The following KCNIP3 variants were observed in gnomAD, a reference collection of about 807,000 sequenced individuals.
KCNIP3 encodes the protein potassium voltage-gated channel interacting protein 3, also known as calsenilin.
In KCNIP3, 28 loss-of-function variants were observed where a neutral mutation model predicts 35.0. The ratio of observed to expected loss-of-function variants is 0.80; its 90% CI spans 0.59 to 1.10. The LOEUF is 1.10. Ranked by LOEUF, KCNIP3 falls within the 50% of genes least tolerant of loss-of-function variation. The pLI is 0.00. For synonymous variants in KCNIP3, 134 were observed against 133.8 expected (o/e 1.00, Z -0.01); for missense variants, 295 against 338.4 (o/e 0.87, Z 1.01).
Position 95,361,803 on chromosome 2 carries a change from C to T in KCNIP3, c.182-12493C>T, listed in dbSNP as rs143544463. Reference sequence around the variant, plus strand: ...ACAGGCACTGTTCCAGGGCTGGGTACGGCAGCGAGGAGACCCGAATCCCTG... The same window carrying T: ...ACAGGCACTGTTCCAGGGCTGGGTATGGCAGCGAGGAGACCCGAATCCCTG... On this transcript the variant is annotated intron_variant, in intron 2 of 8. Transcript: ENST00000295225. 6.3e-3 allele frequency among the ~76,000 whole-genome samples: 955 copies of T among 152,322 alleles called. 10 individuals carry two copies. The highest frequency in any genetic ancestry group is 0.022 in the African/African-American group (898 of 41,584).
intron 2 of KCNIP3, among the ~76,000 whole-genome samples, chr2:95,363,897 C>T (rs1257743568): frequency 6.6e-6 from 1 of 152,196 alleles, no homozygotes; most frequent in African/African-American, 2.4e-5. Context: ...AATCTTATAT[C>T]TGGCAACCTT....
chr2:95,353,693 G>A (rs557423161), intron 2 of KCNIP3, among the ~76,000 whole-genome samples: 2 of 152,288 alleles, frequency 1.3e-5, no homozygotes, highest in South Asian at 4.1e-4. Flanking sequence ...AGAAGTGGGT[G>A]CAGGCGGGCG....
At chr2:95,342,288 G>A (rs1316760027) in intron 2 of KCNIP3, among the ~76,000 whole-genome samples, 3 of 152,200 alleles carry the variant, frequency 2.0e-5, no homozygotes, top group Non-Finnish European at 4.4e-5. Flanking sequence ...CTTAAGCAAA[G>A]CATTAACCAC....
chr2:95,340,408 T>G (rs376874862), intron 2 of KCNIP3, among the ~76,000 whole-genome samples: 69 of 152,228 alleles, frequency 4.5e-4, no homozygotes, highest in African/African-American at 1.5e-3. Context: ...CATAGCTTCC[T>G]TTGGCAACAA....
chr2:95,310,876 TTTCTAAGCC>T (rs1324557055), intron 2 of KCNIP3: 2 of 328,692 alleles, frequency 6.1e-6, no homozygotes, highest in Non-Finnish European at 1.2e-5. Flanking sequence ...TCATTGATCC[TTTCTAAGCC>T]TTCCGTGAGA....
intron 2 of KCNIP3, among the ~76,000 whole-genome samples, chr2:95,356,785 C>T (rs1487505317): frequency 1.5e-4 from 23 of 152,156 alleles, no homozygotes; most frequent in Admixed American, 5.9e-4. Context: ...GGTAGCATGA[C>T]GCCTAGGAGG....
At chr2:95,338,575 A>T (rs1355142266) in intron 2 of KCNIP3, among the ~76,000 whole-genome samples, 1 of 152,198 alleles carries the variant, frequency 6.6e-6, no homozygotes, top group Admixed American at 6.5e-5. Context: ...ACTATATCAC[A>T]TGGCCATCTA....
chr2:95,304,630 C>CT (rs1678125795), intron 1 of KCNIP3, among the ~76,000 whole-genome samples: 1 of 152,194 alleles, frequency 6.6e-6, no homozygotes, highest in East Asian at 1.9e-4. Context: ...TGCATGAGAA[C>CT]GGGTGAGCTA....
At chr2:95,323,023 C>A (rs962858504) in intron 2 of KCNIP3, among the ~76,000 whole-genome samples, 1 of 152,214 alleles carries the variant, frequency 6.6e-6, no homozygotes, top group African/African-American at 2.4e-5. Context: ...GTGGTCCTGG[C>A]CCCCGCTCTG....
Position 95,307,278 on chromosome 2 carries a change from A to G in KCNIP3, c.16-3077A>G, listed in dbSNP as rs56841558. 1.9e-3 allele frequency among the ~76,000 whole-genome samples: 283 copies of G among 152,168 alleles called. 2 individuals are homozygous for G. Among genetic ancestry groups the G allele is most frequent in the African/African-American group, 6.6e-3 (276 of 41,508 alleles). On this transcript the variant is annotated intron_variant, in intron 1 of 8. Coordinates refer to ENST00000295225, the MANE Select transcript of KCNIP3 (RefSeq NM_013434.5). ...AGGGCATCACAGCACTCCTCAACGG[A>G]TATTTTTGGAAGGCTGCTGATGTGC...
chr2:95,376,361 G>A lies in KCNIP3; in HGVS notation c.447+1153G>A, dbSNP rs1435674201. Among the ~76,000 whole-genome samples the A allele has an allele frequency of 6.6e-6, 1 of 152,216 alleles. No homozygotes were observed. Among genetic ancestry groups the A allele is most frequent in the Non-Finnish European group, 1.5e-5 (1 of 68,036 alleles). ...AGTGGTTTTTCTTGTTCAGGAATGA[G>A]ATGACTGAGAGGCTCGGCAGAGCCC... On this transcript the variant is annotated intron_variant, in intron 5 of 8. Transcript: ENST00000295225. The surrounding 1 kb of genome is among the most constrained non-coding windows in gnomAD (Gnocchi z 4.2).
At chr2:95,362,441 G>A (rs1365168847) in intron 2 of KCNIP3, among the ~76,000 whole-genome samples, 1 of 152,040 alleles carries the variant, frequency 6.6e-6, no homozygotes, top group Non-Finnish European at 1.5e-5. Context: ...CAATCTTATG[G>A]GATAAGGGCC....
At chr2:95,367,256 G>C (rs1679939201) in intron 2 of KCNIP3, among the ~76,000 whole-genome samples, 1 of 151,962 alleles carries the variant, frequency 6.6e-6, no homozygotes, top group Non-Finnish European at 1.5e-5. Context: ...CTGGGCGACG[G>C]AGCCAAACTC....
At position 95,356,517 on chromosome 2, in the gene KCNIP3, A is replaced by G. The variant is rs554090680; in HGVS notation, c.182-17779A>G. ...TAAGTCTTTAATCCATCTTGAATTA[A>G]TTTTTGTATAAGGTGTCAGGAGGGG... On this transcript the variant is annotated intron_variant, in intron 2 of 8. Transcript: ENST00000295225. Among the ~76,000 whole-genome samples the G allele has an allele frequency of 1.7e-4, 26 of 152,262 alleles. 1 individual carries two copies. In the South Asian group the frequency reaches 5.4e-3, roughly 32 times the overall value.
At chr2:95,307,787 C>A (rs906572212) in intron 1 of KCNIP3, among the ~76,000 whole-genome samples, 11 of 152,198 alleles carry the variant, frequency 7.2e-5, no homozygotes, top group African/African-American at 2.4e-4. Context: ...TGAAGAGCTC[C>A]TGCCAGGGGC....
intron 2 of KCNIP3, among the ~76,000 whole-genome samples, chr2:95,357,539 G>A (rs1679684099): frequency 6.6e-6 from 1 of 152,158 alleles, no homozygotes; most frequent in Non-Finnish European, 1.5e-5. Context: ...GGTGGTTAGG[G>A]CTGCTTTCTT....
rs77843227 is a variant in KCNIP3, at chr2:95,343,372, A to G, written c.182-30924A>G. The stretch of plus-strand genomic sequence containing the variant: ...TCTGGTTTCTATGAAATATGGGAAG[A>G]ATAAATAAATTGAATAATGCCTGCT... On this transcript the variant is annotated intron_variant, in intron 2 of 8. Transcript: ENST00000295225. Among the ~76,000 whole-genome samples the G allele has an allele frequency of 5.4e-4, 82 of 152,306 alleles. 1 individual carries two copies. The East Asian group carries it at 0.015, about 27-fold the overall frequency.
At chr2:95,368,202 G>A (rs943063091) in intron 2 of KCNIP3, among the ~76,000 whole-genome samples, 3 of 152,230 alleles carry the variant, frequency 2.0e-5, no homozygotes. Context: ...GTGATCAGCT[G>A]TACTGTAATA....
chr2:95,297,405 G>A lies in KCNIP3; in HGVS notation c.-34G>A, dbSNP rs2104187802. The stretch of plus-strand genomic sequence containing the variant: ...TCTTGTCTGCCTCGGCTGTGAAGTG[G>A]GGAGGCTGGCAACAGTTTTCTTCAG... On this transcript the variant is annotated 5_prime_UTR_variant, in exon 1 of 9. Coordinates refer to ENST00000295225, the MANE Select transcript of KCNIP3 (RefSeq NM_013434.5). The A allele has an allele frequency of 6.4e-7, 1 of 1,567,224 alleles. No individual in the cohort carries two copies. Among genetic ancestry groups the A allele is most frequent in the Non-Finnish European group, 8.6e-7 (1 of 1,156,504 alleles).
Sources: allele counts gnomAD v4.1 joint callset (sites outside exome capture counted in the v4.1 genomes callset), GRCh38; gene constraint gnomAD v4.1.1; non-coding constraint Gnocchi (gnomAD v3.1); transcripts MANE v1.5; gene names NCBI Gene and HGNC (gene_info 2026-07-23, HGNC 2026-07-21).